The following ZC3H18 variants were observed in gnomAD, a reference collection of about 807,000 sequenced individuals.
ZC3H18 encodes zinc finger CCCH domain-containing protein 18.
A neutral mutation model predicts 106.1 loss-of-function variants in ZC3H18; 8 were observed. The observed-to-expected ratio is 0.08, with a 90% CI of 0.04 to 0.14. The LOEUF is 0.14. ZC3H18 is among the 10% of genes least tolerant of loss of function. The pLI is 1.00. For missense variants in ZC3H18, 1,318 were observed against 1,278.4 expected (o/e 1.03, Z -0.47); for synonymous variants, 635 against 522.1 (o/e 1.22, Z -2.95).
chr16:88,587,676 A>C, intron 3 of ZC3H18: 2 of 1,426,670 alleles, frequency 1.4e-6, no homozygotes, highest in Admixed American at 4.0e-5. Flanking sequence ...CAGAGGCCAG[A>C]CTTCCTTCTC....
chr16:88,611,139 G>C, intron 7 of ZC3H18, 129 bp from the exon 8 acceptor site: 1 of 680,268 alleles, frequency 1.5e-6, no homozygotes, highest in Non-Finnish European at 2.7e-6. Context: ...CGTTTTGTGT[G>C]TAGGTTTGTG....
chr16:88,615,894 A>C lies in ZC3H18; in HGVS notation c.1475+4358A>C, dbSNP rs113202645. 2.7e-3 allele frequency among the ~76,000 whole-genome samples: 415 copies of C among 152,302 alleles called. 1 individual carries two copies. Among genetic ancestry groups the C allele is most frequent in the African/African-American group, 9.6e-3 (399 of 41,570 alleles). ...GGATGTTTTCTGTGTACAAGAATGT[A>C]CTTCTGGAGTACGCGTTAGAGGGCC... On this transcript the variant is annotated intron_variant, in intron 8 of 17. Coordinates refer to ENST00000301011, the MANE Select transcript of ZC3H18 (RefSeq NM_144604.4).
At chr16:88,621,318 G>A (rs1423073107) in intron 8 of ZC3H18, among the ~76,000 whole-genome samples, 3 of 150,976 alleles carry the variant, frequency 2.0e-5, no homozygotes, top group East Asian at 1.9e-4. Context: ...TCCACCTCCC[G>A]GGTTCACGCC....
chr16:88,580,071 T>G (rs547393355), intron 2 of ZC3H18, among the ~76,000 whole-genome samples: 140 of 152,136 alleles, frequency 9.2e-4, no homozygotes, highest in Non-Finnish European at 1.7e-3. Flanking sequence ...CGTTTCAGGC[T>G]CCTCCATCCT....
At chr16:88,586,806 T>TTGG (rs1915465366) in intron 3 of ZC3H18, 122 bp downstream of exon 3, 247 of 668,186 alleles carry the variant, frequency 3.7e-4, no homozygotes, top group Non-Finnish European at 5.1e-4. Flanking sequence ...CATTACTGGC[T>TTGG]AGGTGGTGGT....
In ZC3H18 at chr16:88,631,594, C is replaced by T; in HGVS notation, c.*295C>T. On this transcript the variant is annotated 3_prime_UTR_variant, in exon 18 of 18. Transcript: ENST00000301011. The stretch of plus-strand genomic sequence containing the variant: ...GCCAGCCCCGCCTTCTCTTCCTCCT[C>T]CTCCGTCTTCTTCCCTGGCCCTGGT... 6.0e-6 allele frequency: 3 copies of T among 504,002 alleles called. No homozygotes were observed. The highest frequency in any genetic ancestry group is 1.5e-5 in the South Asian group (1 of 64,980). The allele number at this position is 504,002 out of a possible 1,614,324, so 31.2% of individuals were successfully genotyped here.
intron 3 of ZC3H18, among the ~76,000 whole-genome samples, chr16:88,594,947 C>T (rs985861375): frequency 2.6e-5 from 4 of 151,880 alleles, no homozygotes; most frequent in African/African-American, 9.7e-5. Flanking sequence ...AGGTCGCAAG[C>T]TCAAGACTAG....
chr16:88,574,864 C>G (rs1914644948), intron 1 of ZC3H18, among the ~76,000 whole-genome samples: 1 of 145,818 alleles, frequency 6.9e-6, no homozygotes, highest in South Asian at 2.2e-4. Flanking sequence ...GAGTCTCGCT[C>G]TGTCGCCCAG....
rs759473730 is a variant in ZC3H18 at position 88,628,850 on chromosome 16, C to A, written c.2562C>A (p.Asp854Glu). Residue 854 changes from aspartate (D) to glutamate (E), a missense_variant, in exon 16 of 18, where the codon GAC becomes GAA. Physicochemically the swap from Asp to Glu is conservative, Grantham distance 45 (BLOSUM62 2). Transcript: ENST00000301011. ...PPAKRPNTSP[D>E]RGSRDRKSGG... is the part of the protein sequence containing the mutation. ...CCAAGCGGCCCAACACATCCCCAGA[C>A]CGAGGTGAGCCTCCCAGCCCCTAGG... 1 of 1,613,990 alleles carries A rather than the reference C, an allele frequency of 6.2e-7. No individual in the cohort carries two copies. The highest frequency in any genetic ancestry group is 1.7e-5 in the Admixed American group (1 of 60,002).
chr16:88,612,562 A>C (rs772713039), intron 8 of ZC3H18, among the ~76,000 whole-genome samples: 3 of 151,706 alleles, frequency 2.0e-5, no homozygotes, highest in Non-Finnish European at 4.4e-5. Context: ...CTGTGGTCCC[A>C]GCTACTCGGG....
At chr16:88,571,540 G>T (rs187557761) in intron 1 of ZC3H18, 469 of 791,888 alleles carry the variant, frequency 5.9e-4, no homozygotes, top group Non-Finnish European at 6.2e-4. Context: ...ACTATCTAAG[G>T]GCAGTATGGA....
intron 16 of ZC3H18, among the ~76,000 whole-genome samples, chr16:88,629,155 C>G (rs940244516): frequency 6.6e-6 from 1 of 151,984 alleles, no homozygotes; most frequent in African/African-American, 2.4e-5. Flanking sequence ...CCTGGCCAAC[C>G]TGGTAAAACC....
chr16:88,575,557 C>A (rs1010706048), intron 1 of ZC3H18, among the ~76,000 whole-genome samples: 2 of 152,056 alleles, frequency 1.3e-5, no homozygotes, highest in African/African-American at 4.8e-5. Context: ...CCGTTCTACA[C>A]CTTCCTACCC....
At chr16:88,589,946 A>G (rs1915645845) in intron 3 of ZC3H18, among the ~76,000 whole-genome samples, 1 of 152,232 alleles carries the variant, frequency 6.6e-6, no homozygotes, top group Admixed American at 6.5e-5. Context: ...GGAGTATTTT[A>G]TGTTATGTGA....
At chr16:88,574,285 C>T (rs1217350798) in intron 1 of ZC3H18, among the ~76,000 whole-genome samples, 2 of 151,882 alleles carry the variant, frequency 1.3e-5, no homozygotes, top group African/African-American at 4.8e-5. Flanking sequence ...TCTCGGCTCA[C>T]TGCAACCACT....
chr16:88,572,386 C>T (rs1008154257), intron 1 of ZC3H18, among the ~76,000 whole-genome samples: 5 of 152,012 alleles, frequency 3.3e-5, no homozygotes, highest in African/African-American at 9.7e-5. Flanking sequence ...TCACCGCAAC[C>T]TCCTCCTCCT....
chr16:88,571,364 G>C lies in ZC3H18; in HGVS notation c.-15+798G>C, dbSNP rs149885714. 4.6e-5 allele frequency among the ~76,000 whole-genome samples: 7 copies of C among 152,322 alleles called. No individual in the cohort carries two copies. In the East Asian group the frequency reaches 1.2e-3, roughly 25 times the overall value. On this transcript the variant is annotated intron_variant, in intron 1 of 17. Coordinates refer to ENST00000301011, the MANE Select transcript of ZC3H18 (RefSeq NM_144604.4). ...GTGTTTGGCATCTGAAGTACCGTTT[G>C]GGGTGTAGCAAGGTGCTCATCATGT...
Position 88,624,477 on chromosome 16 carries a change from C to T in ZC3H18, c.1899-125C>T, listed in dbSNP as rs1906169272. ...GTGGGGAGCCGTGTCCAGGCACGAG[C>T]GTGCTCACCGAGCGTCACAGGCATG... On this transcript the variant is annotated intron_variant, in intron 11 of 17. Coordinates refer to ENST00000301011, the MANE Select transcript of ZC3H18 (RefSeq NM_144604.4). 8 of 1,454,130 alleles carry T rather than the reference C, an allele frequency of 5.5e-6. No homozygotes were observed. The African/African-American group carries it at 5.6e-5, about 10-fold the overall frequency. The allele number at this position is 1,454,130 out of a possible 1,614,324, so 90.1% of individuals were successfully genotyped here.
chr16:88,586,077 C>T (rs184343164), intron 2 of ZC3H18, among the ~76,000 whole-genome samples: 28 of 152,206 alleles, frequency 1.8e-4, no homozygotes, highest in South Asian at 2.1e-4. Context: ...CAGCTTAGAG[C>T]TCCTGGGTTG....
Sources: gnomAD v4.1 joint callset for allele counts (sites outside exome capture counted in the v4.1 genomes callset) on GRCh38, gnomAD v4.1.1 for gene constraint, MANE v1.5 for transcripts, NCBI Gene and HGNC (gene_info 2026-07-23, HGNC 2026-07-21) for gene names.